Variants in TRAPPC8 observed in about 807,000 individuals in gnomAD.
TRAPPC8 encodes general sporulation gene 1 homolog.
Under a neutral mutation model 174.3 loss-of-function variants are expected in TRAPPC8, and 54 were observed. That is an observed-to-expected ratio of 0.31 (90% CI 0.25 to 0.39). The LOEUF is 0.39. Among genes scored for constraint, TRAPPC8 ranks in the 10% least tolerant of loss-of-function variants. TRAPPC8 has a pLI of 1.00. For synonymous variants in TRAPPC8, 630 were observed against 579.9 expected (o/e 1.09, Z -1.24); for missense variants, 1,531 against 1,699.1 (o/e 0.90, Z 1.74).
intron 27 of TRAPPC8, among the ~76,000 whole-genome samples, chr18:31,837,254 C>G (rs1469704232): frequency 6.6e-6 from 1 of 151,498 alleles, no homozygotes; most frequent in Non-Finnish European, 1.5e-5. Context: ...AGGTATCAAG[C>G]AGAAGGAATT....
At chr18:31,941,561 A>G (rs564305198) in intron 1 of TRAPPC8, among the ~76,000 whole-genome samples, 329 of 152,356 alleles carry the variant, frequency 2.2e-3, no homozygotes, top group Non-Finnish European at 3.5e-3. Context: ...AAGAAAATCC[A>G]AAAGTTTCCA....
At chr18:31,875,121 C>T (rs1032817843) in intron 12 of TRAPPC8, among the ~76,000 whole-genome samples, 1 of 152,100 alleles carries the variant, frequency 6.6e-6, no homozygotes, top group African/African-American at 2.4e-5. Flanking sequence ...TTAAAATGGT[C>T]AGATTTCACT....
chr18:31,916,636 G>A (rs562355971), intron 3 of TRAPPC8, among the ~76,000 whole-genome samples, 190 bp from the exon 4 acceptor site: 37 of 152,230 alleles, frequency 2.4e-4, no homozygotes, highest in African/African-American at 8.2e-4. Flanking sequence ...AGGTTCAAGT[G>A]ATTCTCCTGC....
chr18:31,876,024 T>C (rs2035125740), intron 12 of TRAPPC8, among the ~76,000 whole-genome samples: 1 of 152,176 alleles, frequency 6.6e-6, no homozygotes, highest in Non-Finnish European at 1.5e-5. Flanking sequence ...TTTACAACCA[T>C]CTACTCTACA....
chr18:31,919,580 AT>A lies in TRAPPC8; in HGVS notation c.353-1914del, dbSNP rs1382191310. Among the ~76,000 whole-genome samples the A allele has an allele frequency of 8.5e-3, 1,007 of 118,244 alleles. 12 individuals are homozygous for A. The highest frequency in any genetic ancestry group is 0.014 in the Non-Finnish European group (769 of 54,342). The allele number at this position is 118,244 out of a possible 152,430, so 77.6% of individuals were successfully genotyped here. A position where few individuals can be genotyped will look rare whatever the true frequency, so the allele number is the denominator to read the frequency against. On this transcript the variant is annotated intron_variant, in intron 2 of 28. Transcript: ENST00000283351. The stretch of plus-strand genomic sequence containing the variant: ...AATAAATAAATAAATAAATAAATAA[AT>A]AAATAAATAAAATAATAATAATCCT...
At chr18:31,878,207 T>G (rs974025867) in intron 12 of TRAPPC8, among the ~76,000 whole-genome samples, 1 of 152,140 alleles carries the variant, frequency 6.6e-6, no homozygotes, top group African/African-American at 2.4e-5. Context: ...TTCTGTCTGC[T>G]CAGGATGAGC....
chr18:31,919,569 TA>T (rs896069760), intron 2 of TRAPPC8, among the ~76,000 whole-genome samples: 27 of 123,930 alleles, frequency 2.2e-4, no homozygotes, highest in African/African-American at 7.9e-4. Context: ...AATAAATAAA[TA>T]AATAAATAAA....
At chr18:31,907,717 A>C (rs1262391154) in intron 8 of TRAPPC8, 107 bp from the exon 9 acceptor site, 1 of 963,216 alleles carries the variant, frequency 1.0e-6, no homozygotes, top group Non-Finnish European at 1.4e-6. Flanking sequence ...GAAGAAAACT[A>C]ATGCTGTTTC....
intron 12 of TRAPPC8, among the ~76,000 whole-genome samples, chr18:31,881,211 C>T (rs745575914): frequency 6.6e-6 from 1 of 151,700 alleles, no homozygotes; most frequent in Non-Finnish European, 1.5e-5. Context: ...AAACAAAGCC[C>T]GAGGCATCAC....
At chr18:31,942,204 G>A (rs2038374986) in intron 1 of TRAPPC8, among the ~76,000 whole-genome samples, 1 of 152,198 alleles carries the variant, frequency 6.6e-6, no homozygotes, top group Non-Finnish European at 1.5e-5. Context: ...TCCAAGGGAG[G>A]ATGACAGGTC....
In TRAPPC8 at chr18:31,873,486, T is replaced by C. The variant is rs909028910; in HGVS notation, c.2006A>G (p.Tyr669Cys). 4.3e-6 allele frequency: 7 copies of C among 1,613,802 alleles called. No individual in the cohort carries two copies. The South Asian group carries it at 4.4e-5, about 10-fold the overall frequency. Residue 669 changes from tyrosine (Y) to cysteine (C), a missense_variant, in exon 14 of 29, where the codon TAT (tyrosine) becomes TGT (cysteine). Transcript: ENST00000283351. ...DGPLPQLPLP[Y>C]INSSATRVFF... Reference sequence around the variant, plus strand: ...AACCCGTGTTGCTGAACTGTTAATATACGGTAAAGGAAGCTGTGGCAAAGG... The same window carrying C: ...AACCCGTGTTGCTGAACTGTTAATACACGGTAAAGGAAGCTGTGGCAAAGG...
chr18:31,886,349 A>G (rs1373686686), intron 12 of TRAPPC8, among the ~76,000 whole-genome samples: 2 of 147,984 alleles, frequency 1.4e-5, no homozygotes, highest in Non-Finnish European at 3.0e-5. Context: ...CTTGAGGAAA[A>G]AAAAAAAAAA....
intron 19 of TRAPPC8, among the ~76,000 whole-genome samples, chr18:31,859,375 G>A (rs978884521): frequency 6.6e-5 from 10 of 152,166 alleles, no homozygotes; most frequent in Middle Eastern, 3.4e-3. Context: ...TAGAAATCCC[G>A]CACATAGATT....
intron 27 of TRAPPC8, among the ~76,000 whole-genome samples, chr18:31,837,435 G>A (rs983992740): frequency 2.0e-5 from 3 of 152,132 alleles, no homozygotes; most frequent in Non-Finnish European, 4.4e-5. Flanking sequence ...GGTGGCTCAC[G>A]CCTGTGATCC....
rs776913440 is a variant in TRAPPC8 at position 31,916,498 on chromosome 18, A to C, written c.443-52T>G. On this transcript the variant is annotated intron_variant, in intron 3 of 28. Coordinates refer to ENST00000283351, the MANE Select transcript of TRAPPC8 (RefSeq NM_014939.5). ...TATCGCTTATTACTCAATGATAAAT[A>C]TTGTCCTACTGAGATAAACAGGAGG... 3 of 1,507,642 alleles carry C rather than the reference A, an allele frequency of 2.0e-6. 1 individual carries two copies. Among genetic ancestry groups the C allele is most frequent in the South Asian group, 2.6e-5 (2 of 76,092 alleles). 93.4% of individuals were successfully genotyped at this position (1,507,642 alleles called of 1,614,324 possible).
chr18:31,867,773 G>C (rs1236737796), intron 16 of TRAPPC8, among the ~76,000 whole-genome samples: 1 of 152,070 alleles, frequency 6.6e-6, no homozygotes, highest in Admixed American at 6.6e-5. Flanking sequence ...AAGCTACTCA[G>C]GAGGCTGAGG....
At chr18:31,831,867 A>AT (rs1022024982) in intron 28 of TRAPPC8, among the ~76,000 whole-genome samples, 24 of 151,426 alleles carry the variant, frequency 1.6e-4, no homozygotes, top group South Asian at 1.2e-3. Flanking sequence ...GTGGATCTGG[A>AT]TTTTTTTTTG....
chr18:31,833,462 C>T (rs974943984), intron 27 of TRAPPC8: 1 of 152,218 alleles, frequency 6.6e-6, no homozygotes, highest in Non-Finnish European at 1.5e-5. Context: ...AAATTCCTGC[C>T]AATTCTCTCA....
At chr18:31,876,430 C>G (rs1185025375) in intron 12 of TRAPPC8, among the ~76,000 whole-genome samples, 1 of 132,424 alleles carries the variant, frequency 7.6e-6, no homozygotes, top group East Asian at 2.2e-4. Context: ...GCGGAGCTTA[C>G]AGTAAGCCAA....
Sources: allele counts gnomAD v4.1 joint callset (sites outside exome capture counted in the v4.1 genomes callset), GRCh38; gene constraint gnomAD v4.1.1; transcripts MANE v1.5; gene names NCBI Gene and HGNC (gene_info 2026-07-23, HGNC 2026-07-21).